The following WDR87 variants were observed in gnomAD, a reference collection of about 807,000 sequenced individuals.
WDR87 encodes the protein WD repeat domain 87.
Under a neutral mutation model 83.3 loss-of-function variants are expected in WDR87, and 56 were observed. That is an observed-to-expected ratio of 0.67 (90% CI 0.54 to 0.84). The LOEUF (loss-of-function observed/expected upper bound fraction) is 0.84, where lower values mean the gene tolerates loss of function less well. Ranked by LOEUF, WDR87 falls within the 40% of genes least tolerant of loss-of-function variation. WDR87 has a pLI of 0.00. For synonymous variants in WDR87, 1,173 were observed against 1,250.6 expected (o/e 0.94, Z 1.31); for missense variants, 2,939 against 3,431.9 (o/e 0.86, Z 3.59).
chr19:37,892,744 G>A lies in WDR87; in HGVS notation c.2959C>T (p.Leu987=). ...RELAWEGLKR[L]GMITHLFAMP... Reference sequence around the variant, plus strand: ...GCAAAAAGATGAGTAATCATTCCTAGACGCTTCAGCCCTTCCCAAGCTAGT... The same window carrying A: ...GCAAAAAGATGAGTAATCATTCCTAAACGCTTCAGCCCTTCCCAAGCTAGT... The change falls in exon 4 of 6, where the codon CTA becomes TTA. Residue 987 remains leucine, a synonymous_variant. Transcript: ENST00000447313. 1.3e-6 allele frequency: 2 copies of A among 1,551,752 alleles called. No homozygotes were observed. The highest frequency in any genetic ancestry group is 1.7e-6 in the Non-Finnish European group (2 of 1,147,014).
In WDR87 at chr19:37,897,683, C is replaced by T. The variant is rs755057612; in HGVS notation, c.75+482G>A. 2.0e-5 allele frequency among the ~76,000 whole-genome samples: 3 copies of T among 151,812 alleles called. No individual in the cohort carries two copies. In the South Asian group the frequency reaches 6.2e-4, roughly 32 times the overall value. On this transcript the variant is annotated intron_variant, in intron 2 of 5. Coordinates refer to ENST00000447313, the MANE Select transcript of WDR87 (RefSeq NM_001291088.2). ...CAGATTACTTGAGCTCAGGAGTTCA[C>T]GACCAGCTTGGGCAACATGGTGAAA...
rs1357324422 is a variant in WDR87, at chr19:37,888,261, CA to C, written c.5409del (p.Glu1804LysfsTer13). 1 of 1,550,968 alleles carries C rather than the reference CA, an allele frequency of 6.4e-7. No homozygotes were observed. The highest frequency in any genetic ancestry group is 8.7e-7 in the Non-Finnish European group (1 of 1,146,794). On this transcript the variant is annotated frameshift_variant, in exon 6 of 6. Transcript: ENST00000447313. LOFTEE classifies it low-confidence loss of function (END_TRUNC). ...EALAWQREKL[S>X]EEETKLAQEE... ...TCCTGGGCCAGTTTTGTCTCTTCTT[CA>C]GACAGTTTCTCCCTTTGCCAGGCCA...
chr19:37,902,464 C>T (rs966589136), intron 1 of WDR87, among the ~76,000 whole-genome samples: 4 of 151,262 alleles, frequency 2.6e-5, no homozygotes, highest in Non-Finnish European at 5.9e-5. Flanking sequence ...GTCATCTGCC[C>T]GCCTCAGCCT....
chr19:37,885,049 G>C lies in WDR87; in HGVS notation c.8622C>G (p.Thr2874=). The change falls in exon 6 of 6, where the codon ACC becomes ACG. Residue 2874 remains threonine, a synonymous_variant. Coordinates refer to ENST00000447313, the MANE Select transcript of WDR87 (RefSeq NM_001291088.2). ...ACCGGGCAATGCCCACGGGAAGGAT[G>C]GTGCGCACACAGTTCTGCCATGGGA... ...VPLPWQNCVR[T]ILPVGIARYG... 6.9e-7 allele frequency: 1 copy of C among 1,459,132 alleles called. No homozygotes were observed. Among genetic ancestry groups the C allele is most frequent in the South Asian group, 1.5e-5 (1 of 65,418 alleles). The allele number at this position is 1,459,132 out of a possible 1,614,324, so 90.4% of individuals were successfully genotyped here.
At chr19:37,890,399 G>A in intron 5 of WDR87, 123 bp from the exon 6 acceptor site, 1 of 1,190,394 alleles carries the variant, frequency 8.4e-7, no homozygotes, top group South Asian at 2.4e-5. Flanking sequence ...GAGAACTGAG[G>A]CCTTAAAAAA....
In WDR87 at chr19:37,885,224, A is replaced by C; in HGVS notation, c.8447T>G (p.Met2816Arg). Reference sequence around the variant, plus strand: ...CTCTTGGGGTTGAGGTTCCTCTCTCATTAGCAGCTCCTGAAGCAGCTTCTG... The same window carrying C: ...CTCTTGGGGTTGAGGTTCCTCTCTCCTTAGCAGCTCCTGAAGCAGCTTCTG... Reference protein sequence around the residue: ...RIQKLLQELLMREEPQPQEII... With the variant: ...RIQKLLQELLRREEPQPQEII... Residue 2816 changes from methionine to arginine, a missense_variant, in exon 6 of 6, where the codon ATG becomes AGG. Met to Arg is a moderately conservative substitution (Grantham distance 91). This residue lies in a region of WDR87 where 2,160 missense variants were observed against 2,533.1 expected (regional missense o/e 0.85). Transcript: ENST00000447313. 1 of 1,501,576 alleles carries C rather than the reference A, an allele frequency of 6.7e-7. No homozygotes were observed. Among genetic ancestry groups the C allele is most frequent in the South Asian group, 1.4e-5 (1 of 73,622 alleles). 93.0% of individuals were successfully genotyped at this position (1,501,576 alleles called of 1,614,324 possible).
At position 37,887,919 on chromosome 19, in the gene WDR87, TC is replaced by T; in HGVS notation, c.5751del (p.Asn1918ThrfsTer13). 6.4e-7 allele frequency: 1 copy of T among 1,551,794 alleles called. No homozygotes were observed. Among genetic ancestry groups the T allele is most frequent in the South Asian group, 1.2e-5 (1 of 84,040 alleles). ...ATCTTGTTGAACATTCCCAATTTGT[TC>T]TTTACTTGCACTAATTGCTTTTTGC... ...THSKKQLVQV[K>X]NKLGMFNKIL... On this transcript the variant is annotated frameshift_variant, in exon 6 of 6. Coordinates refer to ENST00000447313, the MANE Select transcript of WDR87 (RefSeq NM_001291088.2). LOFTEE classifies it low-confidence loss of function (END_TRUNC).
chr19:37,892,935 T>C lies in WDR87; in HGVS notation c.2768A>G (p.Glu923Gly), dbSNP rs2046219177. 1.3e-6 allele frequency: 2 copies of C among 1,552,064 alleles called. No homozygotes were observed. The highest frequency in any genetic ancestry group is 1.7e-6 in the Non-Finnish European group (2 of 1,147,072). ...MSEITINSMI[E>G]TMLNIMVHAS... ...ATGGACCATAATATTGAGCATTGTC[T>C]CAATCATGCTATTAATGGTTATTTC... The change falls in exon 4 of 6, where the codon GAG (glutamate) becomes GGG (glycine). Residue 923 changes from glutamate to glycine, a missense_variant. Glu to Gly is a moderately conservative substitution (Grantham distance 98). This residue lies in a region of WDR87 where 2,160 missense variants were observed against 2,533.1 expected (regional missense o/e 0.85). Coordinates refer to ENST00000447313, the MANE Select transcript of WDR87 (RefSeq NM_001291088.2).
chr19:37,888,065 T>G lies in WDR87; in HGVS notation c.5606A>C (p.Lys1869Thr), dbSNP rs1392106563. 1 of 1,551,748 alleles carries G rather than the reference T, an allele frequency of 6.4e-7. No individual in the cohort carries two copies. The highest frequency in any genetic ancestry group is 1.4e-5 in the African/African-American group (1 of 73,050). Reference sequence around the variant, plus strand: ...ATTCTTCTTCTGGTACAGTATCATCTTGTTCTTTGTGAGTTCTTCCATGCT... The same window carrying G: ...ATTCTTCTTCTGGTACAGTATCATCGTGTTCTTTGTGAGTTCTTCCATGCT... Reference protein sequence around the residue: ...INSMEELTKNKMILYQKKNLA... With the variant: ...INSMEELTKNTMILYQKKNLA... The change falls in exon 6 of 6, where the codon AAG (lysine) becomes ACG (threonine). Residue 1869 changes from lysine to threonine, a missense_variant. This residue lies in a region of WDR87 where 2,160 missense variants were observed against 2,533.1 expected (regional missense o/e 0.85). Transcript: ENST00000447313.
Position 37,894,748 on chromosome 19 carries a change from G to C in WDR87, c.955C>G (p.Arg319Gly). Residue 319 changes from arginine to glycine, a missense_variant, in exon 4 of 6, where the codon CGG becomes GGG. Physicochemically the swap from Arg to Gly is moderately radical, Grantham distance 125 (BLOSUM62 -2). Around this residue, in one of 3 missense-constraint regions of WDR87, gnomAD observed 553 missense variants for 577.9 expected, o/e 0.96. Transcript: ENST00000447313. ...AGCTCCTCACCAAGCTCTAGCCGCC[G>C]AAGCAGGCTCCCTGAAGTCAGGTTC... ...EWNLTSGSLL[R>G]RLELGEELYR... The C allele has an allele frequency of 6.4e-7, 1 of 1,551,698 alleles. No individual in the cohort carries two copies. The highest frequency in any genetic ancestry group is 8.7e-7 in the Non-Finnish European group (1 of 1,147,002).
At position 37,891,703 on chromosome 19, in the gene WDR87, A is replaced by G. The variant is rs80190313; in HGVS notation, c.3243T>C (p.His1081=). 3,936 of 1,551,886 alleles carry G rather than the reference A, an allele frequency of 2.5e-3. 90 individuals carry two copies. In the African/African-American group the frequency reaches 0.046, roughly 18 times the overall value. The part of the protein sequence containing the change: ...QRLNENLTLS[H]RDEKPAFSLD... ...AAGAAAAAGCCGGCTTTTCATCTCTATGTGACAGGGTCAGGTTTTCATTCA... is the reference window on the plus strand; with the variant it reads ...AAGAAAAAGCCGGCTTTTCATCTCTGTGTGACAGGGTCAGGTTTTCATTCA... Residue 1081 remains histidine (H), a synonymous_variant, in exon 5 of 6, where the codon CAT becomes CAC. Coordinates refer to ENST00000447313, the MANE Select transcript of WDR87 (RefSeq NM_001291088.2).
Position 37,885,331 on chromosome 19 carries a change from C to T in WDR87, c.8340G>A (p.Gln2780=). The T allele has an allele frequency of 3.2e-6, 5 of 1,551,662 alleles. No homozygotes were observed. The highest frequency in any genetic ancestry group is 4.4e-6 in the Non-Finnish European group (5 of 1,146,976). Residue 2780 remains glutamine, a synonymous_variant, in exon 6 of 6, where the codon CAG becomes CAA. Coordinates refer to ENST00000447313, the MANE Select transcript of WDR87 (RefSeq NM_001291088.2). The stretch of plus-strand genomic sequence containing the variant: ...AAGCAGTGCTGTCTTTTGGATATCG[C>T]TGCTGCAGCATCCGCAAAACATGGT... ...ALYHVLRMLQ[Q]RYPKDSTAWM... is the part of the protein sequence containing the mutation.
chr19:37,896,454 A>G (rs1274434654), intron 2 of WDR87, 146 bp from the exon 3 acceptor site: 3 of 792,000 alleles, frequency 3.8e-6, no homozygotes, highest in South Asian at 3.8e-5. Context: ...TGCATAACTT[A>G]TCACCTGTGG....
chr19:37,887,297 T>A lies in WDR87; in HGVS notation c.6374A>T (p.Asp2125Val), dbSNP rs1016874523. ...TTCTTCCTGTGTTAGTTTCCTTTCATCCCTGGTTAGTTTTTGAAGTGCCTT... is the reference window on the plus strand; with the variant it reads ...TTCTTCCTGTGTTAGTTTCCTTTCAACCCTGGTTAGTTTTTGAAGTGCCTT... Reference protein sequence around the residue: ...ILKALQKLTRDERKLTQEEIK... With the variant: ...ILKALQKLTRVERKLTQEEIK... Residue 2125 changes from aspartate to valine, a missense_variant, in exon 6 of 6, where the codon GAT (aspartate) becomes GTT (valine). Physicochemically the swap from Asp to Val is radical, Grantham distance 152. Coordinates refer to ENST00000447313, the MANE Select transcript of WDR87 (RefSeq NM_001291088.2). The A allele has an allele frequency of 1.9e-6, 3 of 1,551,484 alleles. No homozygotes were observed. Among genetic ancestry groups the A allele is most frequent in the Non-Finnish European group, 2.6e-6 (3 of 1,146,930 alleles).
Position 37,884,920 on chromosome 19 carries a change from G to T in WDR87, c.*12C>A, listed in dbSNP as rs2046128732. The T allele has an allele frequency of 1.6e-6, 2 of 1,284,976 alleles. No individual in the cohort carries two copies. The highest frequency in any genetic ancestry group is 3.0e-5 in the East Asian group (1 of 33,210). 79.6% of individuals were successfully genotyped at this position (1,284,976 alleles called of 1,614,324 possible). A position where few individuals can be genotyped will look rare whatever the true frequency, so the allele number is the denominator to read the frequency against. On this transcript the variant is annotated 3_prime_UTR_variant, in exon 6 of 6. Transcript: ENST00000447313. ...TGGCAATGAAAAGTCCCAGCCTCCA[G>T]TCAGTCCCAAATTAGAGAGTGGGAG...
chr19:37,892,751 C>T lies in WDR87; in HGVS notation c.2952G>A (p.Leu984=), dbSNP rs2046217067. The change falls in exon 4 of 6, where the codon CTG becomes CTA. Residue 984 remains leucine (L), a synonymous_variant. Coordinates refer to ENST00000447313, the MANE Select transcript of WDR87 (RefSeq NM_001291088.2). ...GATGAGTAATCATTCCTAGACGCTT[C>T]AGCCCTTCCCAAGCTAGTTCTCGGA... is the stretch of plus-strand genomic sequence containing the variant. ...PLIRELAWEG[L]KRLGMITHLF... 4 of 1,551,650 alleles carry T rather than the reference C, an allele frequency of 2.6e-6. No individual in the cohort carries two copies. Among genetic ancestry groups the T allele is most frequent in the African/African-American group, 2.7e-5 (2 of 73,052 alleles).
Position 37,888,305 on chromosome 19 carries a change from G to A in WDR87, c.5366C>T (p.Ala1789Val), listed in dbSNP as rs1277009628. Reference sequence around the variant, plus strand: ...CCAGGCCAATGCCTCCTCTTCCTCAGCCAGTTTCTTCTTTTCCTCAACCAG... The same window carrying A: ...CCAGGCCAATGCCTCCTCTTCCTCAACCAGTTTCTTCTTTTCCTCAACCAG... ...GKLVEEKKKL[A>V]EEEEALAWQR... The change falls in exon 6 of 6, where the codon GCT (alanine) becomes GTT (valine). Residue 1789 changes from alanine to valine, a missense_variant. Physicochemically the swap from Ala to Val is moderately conservative, Grantham distance 64 (BLOSUM62 0). Around this residue, in one of 3 missense-constraint regions of WDR87, gnomAD observed 2,160 missense variants for 2,533.1 expected, o/e 0.85. Coordinates refer to ENST00000447313, the MANE Select transcript of WDR87 (RefSeq NM_001291088.2). 6 of 1,551,356 alleles carry A rather than the reference G, an allele frequency of 3.9e-6. No homozygotes were observed.
Position 37,893,459 on chromosome 19 carries a change from A to C in WDR87, c.2244T>G (p.His748Gln), listed in dbSNP as rs1221335853. Residue 748 changes from histidine (H) to glutamine (Q), a missense_variant, in exon 4 of 6, where the codon CAT becomes CAG. Coordinates refer to ENST00000447313, the MANE Select transcript of WDR87 (RefSeq NM_001291088.2). ...TCCCTTCCTCATCTTCTTCTATCACATGTGGCACAGAATGGTCAAAGGCAA... is the reference window on the plus strand; with the variant it reads ...TCCCTTCCTCATCTTCTTCTATCACCTGTGGCACAGAATGGTCAAAGGCAA... ...RAIAFDHSVP[H>Q]VIEEDEEGSP... 7.4e-5 allele frequency: 115 copies of C among 1,551,920 alleles called. No individual in the cohort carries two copies. The highest frequency in any genetic ancestry group is 9.9e-5 in the Non-Finnish European group (113 of 1,147,076).
intron 5 of WDR87, 129 bp downstream of exon 5, chr19:37,891,423 C>CAA: frequency 8.1e-7 from 1 of 1,227,976 alleles, no homozygotes; most frequent in Non-Finnish European, 1.1e-6. Flanking sequence ...CTCAGCGTCC[C>CAA]AGTGCTGGAA....
Sources: gnomAD v4.1 joint callset for allele counts (sites outside exome capture counted in the v4.1 genomes callset) on GRCh38, gnomAD v4.1.1 for gene constraint, gnomAD v4.1.1 regional missense constraint, MANE v1.5 for transcripts, NCBI Gene and HGNC (gene_info 2026-07-23, HGNC 2026-07-21) for gene names.